Variants in SLC2A13 observed in about 807,000 individuals in gnomAD.
SLC2A13 encodes the protein solute carrier family 2 member 13.
SLC2A13 carries 32 observed loss-of-function variants against 64.4 expected under a neutral mutation model. The ratio of observed to expected loss-of-function variants is 0.50; its 90% CI spans 0.37 to 0.67. SLC2A13 has a LOEUF of 0.67. Among genes scored for constraint, SLC2A13 ranks in the 30% least tolerant of loss-of-function variants. The pLI is 0.00. For synonymous variants in SLC2A13, 338 were observed against 327.1 expected (o/e 1.03, Z -0.36); for missense variants, 743 against 829.2 (o/e 0.90, Z 1.28).
chr12:39,992,786 A>G (rs1043618063), intron 3 of SLC2A13, among the ~76,000 whole-genome samples: 9 of 152,210 alleles, frequency 5.9e-5, no homozygotes, highest in African/African-American at 2.2e-4. Context: ...CAATGAAAAT[A>G]TAAGGCAGAA....
At chr12:39,773,109 A>G (rs1221750384) in intron 7 of SLC2A13, among the ~76,000 whole-genome samples, 1 of 152,232 alleles carries the variant, frequency 6.6e-6, no homozygotes, top group Admixed American at 6.5e-5. Context: ...CCCGAAAAGG[A>G]ACAAAAATAC....
chr12:40,085,820 T>C (rs537550983), intron 1 of SLC2A13, among the ~76,000 whole-genome samples: 3 of 152,158 alleles, frequency 2.0e-5, no homozygotes, highest in South Asian at 4.2e-4. Flanking sequence ...ATAAAAGATT[T>C]GAAAGCAGGA....
intron 3 of SLC2A13, among the ~76,000 whole-genome samples, chr12:40,001,247 T>C (rs1156540257): frequency 6.6e-6 from 1 of 152,200 alleles, no homozygotes; most frequent in Non-Finnish European, 1.5e-5. Context: ...TGGCAGCACA[T>C]ACTGGAGAGG....
At chr12:39,871,616 T>C (rs1268358242) in intron 5 of SLC2A13, among the ~76,000 whole-genome samples, 182 bp downstream of exon 5, 1 of 152,170 alleles carries the variant, frequency 6.6e-6, no homozygotes, top group Non-Finnish European at 1.5e-5. Context: ...TCTAGTCACG[T>C]AGCGTAACAG....
At chr12:39,891,344 C>T (rs543427229) in intron 4 of SLC2A13, among the ~76,000 whole-genome samples, 3 of 151,638 alleles carry the variant, frequency 2.0e-5, no homozygotes, top group Non-Finnish European at 4.4e-5. Context: ...AGGAGGGACC[C>T]GCACTGTTTC....
intron 4 of SLC2A13, chr12:39,907,918 C>T (rs7135753): frequency 0.43 from 65,344 of 150,782 alleles, 14,532 homozygotes; most frequent in East Asian, 0.76. Flanking sequence ...TTCTTTTTCC[C>T]GGCACTTTCC....
At chr12:40,027,154 G>T (rs1194947852) in intron 3 of SLC2A13, among the ~76,000 whole-genome samples, 2 of 151,894 alleles carry the variant, frequency 1.3e-5, no homozygotes, top group Non-Finnish European at 2.9e-5. Context: ...AAAATAAGTT[G>T]TCATTTAAAT....
In SLC2A13 at chr12:39,895,532, A is replaced by G. The variant is rs867968575; in HGVS notation, c.1035-23571T>C. ...AAAAAAATTATATATATATATATAT[A>G]TATATATATATATATATATACACAC... On this transcript the variant is annotated intron_variant, in intron 4 of 9. Coordinates refer to ENST00000280871, the MANE Select transcript of SLC2A13 (RefSeq NM_052885.4). 2.8e-3 allele frequency among the ~76,000 whole-genome samples: 333 copies of G among 119,768 alleles called. 115 individuals are homozygous for G. Among genetic ancestry groups the G allele is most frequent in the Middle Eastern group, 4.3e-3 (1 of 232 alleles). 78.6% of individuals were successfully genotyped at this position (119,768 alleles called of 152,430 possible).
intron 7 of SLC2A13, among the ~76,000 whole-genome samples, chr12:39,783,353 C>T (rs1273296921): frequency 1.3e-5 from 2 of 152,166 alleles, no homozygotes; most frequent in African/African-American, 2.4e-5. Context: ...GTCTTTATAG[C>T]AGCATGATTT....
At position 39,864,986 on chromosome 12, in the gene SLC2A13, C is replaced by T. The variant is rs538529382; in HGVS notation, c.1199-104G>A. On this transcript the variant is annotated intron_variant, in intron 5 of 9. Transcript: ENST00000280871. ...CAAAAAACAAAGAAACAAACAAAAA[C>T]TCCTGAAAAAAAAATACCGTGCTCT... 520 of 1,082,548 alleles carry T rather than the reference C, an allele frequency of 4.8e-4. 7 individuals are homozygous for T. The South Asian group carries it at 9.2e-3, about 19-fold the overall frequency. The allele number at this position is 1,082,548 out of a possible 1,614,324, so 67.1% of individuals were successfully genotyped here.
At chr12:40,014,851 T>C (rs1449504809) in intron 3 of SLC2A13, among the ~76,000 whole-genome samples, 1 of 152,232 alleles carries the variant, frequency 6.6e-6, no homozygotes, top group African/African-American at 2.4e-5. Context: ...CGTAATGCTA[T>C]ATTAGATCCA....
At chr12:39,875,584 A>C (rs1944163164) in intron 4 of SLC2A13, among the ~76,000 whole-genome samples, 1 of 152,206 alleles carries the variant, frequency 6.6e-6, no homozygotes, top group African/African-American at 2.4e-5. Flanking sequence ...ATAAGCAGTA[A>C]AATAAGCAAA....
chr12:39,881,328 TA>T (rs140452416), intron 4 of SLC2A13, among the ~76,000 whole-genome samples: 3,420 of 147,502 alleles, frequency 0.023, 126 homozygotes, highest in African/African-American at 0.08. Context: ...TGGTTTATGT[TA>T]AAAAAAAAAC....
intron 4 of SLC2A13, among the ~76,000 whole-genome samples, chr12:39,943,906 G>A (rs1419324261): frequency 6.6e-6 from 1 of 152,192 alleles, no homozygotes; most frequent in East Asian, 1.9e-4. Flanking sequence ...CAGACACTGA[G>A]CTAGCTGCAG....
chr12:39,799,157 A>G (rs1422413433), intron 7 of SLC2A13, among the ~76,000 whole-genome samples: 1 of 145,018 alleles, frequency 6.9e-6, no homozygotes, highest in Non-Finnish European at 1.5e-5. Context: ...ATCTCAGCTC[A>G]CTGCAACCTC....
chr12:39,760,019 C>G lies in SLC2A13; in HGVS notation c.*7G>C, dbSNP rs1471231169. On this transcript the variant is annotated 3_prime_UTR_variant, in exon 10 of 10. Coordinates refer to ENST00000280871, the MANE Select transcript of SLC2A13 (RefSeq NM_052885.4). ...TTTAAATAACTAAATATATGAGCAG[C>G]TGAAAATTATTCCACATCAGAAGCA... 5 of 1,607,086 alleles carry G rather than the reference C, an allele frequency of 3.1e-6. No individual in the cohort carries two copies. The Admixed American group carries it at 6.7e-5, about 22-fold the overall frequency.
At chr12:39,772,041 C>T (rs1036713056) in intron 7 of SLC2A13, among the ~76,000 whole-genome samples, 11 of 152,014 alleles carry the variant, frequency 7.2e-5, no homozygotes, top group Admixed American at 2.6e-4. Context: ...TTCACCTGTC[C>T]GAGATATTCT....
intron 7 of SLC2A13, among the ~76,000 whole-genome samples, chr12:39,810,434 C>T (rs1435859689): frequency 6.6e-6 from 1 of 152,106 alleles, no homozygotes; most frequent in Non-Finnish European, 1.5e-5. Flanking sequence ...ATAATGCCAT[C>T]TGAAAATAGA....
chr12:39,923,688 G>GCACA (rs1491342199), intron 4 of SLC2A13, among the ~76,000 whole-genome samples: 10 of 39,640 alleles, frequency 2.5e-4, no homozygotes, highest in Non-Finnish European at 4.4e-4. Flanking sequence ...ATATATATAT[G>GCACA]CGCACGCGCA....
Sources: gnomAD v4.1 joint callset for allele counts (sites outside exome capture counted in the v4.1 genomes callset) on GRCh38, gnomAD v4.1.1 for gene constraint, MANE v1.5 for transcripts, NCBI Gene and HGNC (gene_info 2026-07-23, HGNC 2026-07-21) for gene names.